NBAS: variants seen among roughly 807,000 people sequenced by gnomAD.
The protein encoded by NBAS is NAG/BC035112 fusion.
Under a neutral mutation model 302.5 loss-of-function variants are expected in NBAS, and 219 were observed. That is an observed-to-expected ratio of 0.72 (90% CI 0.65 to 0.81). The LOEUF is 0.81. Ranked by LOEUF, NBAS falls within the 30% of genes least tolerant of loss-of-function variation. NBAS has a pLI of 0.00. For missense variants in NBAS, 2,932 were observed against 2,841.6 expected (o/e 1.03, Z -0.72); for synonymous variants, 1,118 against 1,021.6 (o/e 1.09, Z -1.80).
At chr2:15,222,945 G>A (rs1667010400) in intron 47 of NBAS, among the ~76,000 whole-genome samples, 1 of 152,162 alleles carries the variant, frequency 6.6e-6, no homozygotes, top group South Asian at 2.1e-4. Context: ...ACATTTTAAA[G>A]GAACATGCTC....
Position 15,287,468 on chromosome 2 carries a change from G to T in NBAS, c.5028-285C>A, listed in dbSNP as rs10199552. The stretch of plus-strand genomic sequence containing the variant: ...ACATTTGACAATGTCTGAAAACATT[G>T]TGAGCATAAAAAGTGGGGCAAGGGG... On this transcript the variant is annotated intron_variant, in intron 41 of 51. Transcript: ENST00000281513. Among the ~76,000 whole-genome samples, 89,775 of 152,126 alleles carry T rather than the reference G, an allele frequency of 0.59. 29,350 individuals carry two copies. The highest frequency in any genetic ancestry group is 0.87 in the African/African-American group (36,069 of 41,520).
the NBAS span, among the ~76,000 whole-genome samples, chr2:14,786,646 T>A: frequency 6.6e-6 from 1 of 152,240 alleles, no homozygotes; most frequent in Non-Finnish European, 1.5e-5. Flanking sequence ...GTGAGTTTCT[T>A]AATCCTGAGT....
At chr2:15,052,115 A>G in the NBAS span, among the ~76,000 whole-genome samples, 1 of 152,212 alleles carries the variant, frequency 6.6e-6, no homozygotes, top group Non-Finnish European at 1.5e-5. Context: ...TGTTCAACAT[A>G]GACAGTGACA....
intron 27 of NBAS, 87 bp downstream of exon 27, chr2:15,396,326 T>C (rs1024757311): frequency 9.2e-7 from 1 of 1,082,592 alleles, no homozygotes; most frequent in Non-Finnish European, 1.3e-6. Context: ...GTAGAAACGA[T>C]GACTCACAGG....
intron 12 of NBAS, chr2:15,483,335 C>T (rs1382487682): frequency 2.3e-6 from 1 of 435,336 alleles, no homozygotes; most frequent in South Asian, 1.7e-5. Flanking sequence ...TTCCCACTTA[C>T]TCTTCATTCA....
At chr2:15,217,574 A>G (rs922995635) in intron 48 of NBAS, among the ~76,000 whole-genome samples, 1 of 152,216 alleles carries the variant, frequency 6.6e-6, no homozygotes, top group African/African-American at 2.4e-5. Flanking sequence ...CTCTTTTGCA[A>G]TGGGGATTAT....
At chr2:14,868,373 T>A in the NBAS span, among the ~76,000 whole-genome samples, 8 of 152,166 alleles carry the variant, frequency 5.3e-5, no homozygotes, top group African/African-American at 1.9e-4. Flanking sequence ...TTAACAAGAC[T>A]ACAATAGAAT....
chr2:15,381,909 A>T (rs768342858), intron 29 of NBAS, among the ~76,000 whole-genome samples: 1 of 151,980 alleles, frequency 6.6e-6, no homozygotes, highest in South Asian at 2.1e-4. Context: ...CAATTTCACA[A>T]AGCAGAGACC....
downstream of NBAS, among the ~76,000 whole-genome samples, chr2:15,163,452 A>AC (rs1663943033): frequency 6.6e-6 from 1 of 152,130 alleles, no homozygotes; most frequent in Admixed American, 6.5e-5. Flanking sequence ...CTTGGGGACC[A>AC]CCCCTAGACA....
the NBAS span, among the ~76,000 whole-genome samples, chr2:14,788,732 T>C: frequency 4.1e-4 from 63 of 152,290 alleles, no homozygotes; most frequent in Non-Finnish European, 7.5e-4. Context: ...GGTGTCAGTC[T>C]GCCCCTACTG....
chr2:14,943,078 A>G, the NBAS span, among the ~76,000 whole-genome samples: 3 of 152,230 alleles, frequency 2.0e-5, no homozygotes, highest in Non-Finnish European at 2.9e-5. Context: ...GCATGAGGCT[A>G]TTAGCATATT....
intron 39 of NBAS, 116 bp downstream of exon 39, chr2:15,309,050 TAAAAG>T: frequency 2.2e-6 from 1 of 452,712 alleles, no homozygotes; most frequent in Non-Finnish European, 3.6e-6. Flanking sequence ...AATAAATAAA[TAAAAG>T]AAAAAAAAGA....
chr2:15,389,738 C>T (rs1675494014), intron 28 of NBAS, among the ~76,000 whole-genome samples: 1 of 152,118 alleles, frequency 6.6e-6, no homozygotes, highest in Non-Finnish European at 1.5e-5. Context: ...ACAGTGATCC[C>T]TGAGAGATAA....
At chr2:15,302,961 G>C (rs1403330981) in intron 40 of NBAS, among the ~76,000 whole-genome samples, 1 of 152,124 alleles carries the variant, frequency 6.6e-6, no homozygotes, top group African/African-American at 2.4e-5. Context: ...TTGGACTCTT[G>C]GGCTTACACC....
At chr2:14,897,808 G>A in the NBAS span, among the ~76,000 whole-genome samples, 4 of 152,148 alleles carry the variant, frequency 2.6e-5, no homozygotes, top group African/African-American at 7.2e-5. Flanking sequence ...GAAGGCGGTG[G>A]TTAACAATGA....
At chr2:15,244,020 T>C (rs755373368) in intron 44 of NBAS, among the ~76,000 whole-genome samples, 7 of 152,200 alleles carry the variant, frequency 4.6e-5, no homozygotes, top group Non-Finnish European at 8.8e-5. Context: ...ATCCAATTAA[T>C]GATGTCATCC....
intron 38 of NBAS, among the ~76,000 whole-genome samples, chr2:15,324,653 C>T (rs903270612): frequency 3.3e-5 from 5 of 152,126 alleles, no homozygotes; most frequent in Admixed American, 2.6e-4. Flanking sequence ...TTTATAAGCC[C>T]GTTGAAGGCA....
rs62121553 is a variant in NBAS, at chr2:15,248,774, C to A, written c.5725-10088G>T. On this transcript the variant is annotated intron_variant, in intron 44 of 51. Coordinates refer to ENST00000281513, the MANE Select transcript of NBAS (RefSeq NM_015909.4). ...CCCAAGACTAAACCAGAAGTTGAAT[C>A]CCTGAATAGACCAATAACAAGTTCT... Among the ~76,000 whole-genome samples, 12 of 152,222 alleles carry A rather than the reference C, an allele frequency of 7.9e-5. No homozygotes were observed. In the South Asian group the frequency reaches 1.9e-3, roughly 24 times the overall value.
chr2:14,783,697 T>C, the NBAS span, among the ~76,000 whole-genome samples: 6 of 152,080 alleles, frequency 3.9e-5, no homozygotes, highest in East Asian at 3.9e-4. Flanking sequence ...ATATGTGCCA[T>C]ATTTTCTTAA....
Sources: gnomAD v4.1 joint callset for allele counts (sites outside exome capture counted in the v4.1 genomes callset) on GRCh38, gnomAD v4.1.1 for gene constraint, MANE v1.5 for transcripts, NCBI Gene and HGNC (gene_info 2026-07-23, HGNC 2026-07-21) for gene names.